Variants in NT5DC1 observed in about 807,000 individuals in gnomAD.
NT5DC1 encodes 5'-nucleotidase domain containing 1.
NT5DC1 carries 42 observed loss-of-function variants against 59.4 expected under a neutral mutation model. That is an observed-to-expected ratio of 0.71 (90% CI 0.55 to 0.92). The LOEUF is 0.92. NT5DC1 is among the 40% of genes least tolerant of loss of function. The pLI is 0.00. For missense variants in NT5DC1, 501 were observed against 537.1 expected (o/e 0.93, Z 0.66); for synonymous variants, 172 against 188.1 (o/e 0.91, Z 0.70).
chr6:116,102,819 G>A (rs1342171532), intron 1 of NT5DC1, among the ~76,000 whole-genome samples: 3 of 152,206 alleles, frequency 2.0e-5, no homozygotes, highest in Non-Finnish European at 4.4e-5. Context: ...TTACACAGTA[G>A]GCAAAAATGC....
intron 6 of NT5DC1, among the ~76,000 whole-genome samples, chr6:116,216,881 G>C (rs1023842172): frequency 6.6e-6 from 1 of 152,082 alleles, no homozygotes; most frequent in African/African-American, 2.4e-5. Flanking sequence ...AGGCATTTTA[G>C]CTGTTCACTA....
intron 6 of NT5DC1, among the ~76,000 whole-genome samples, chr6:116,123,005 A>C (rs9488842): frequency 0.26 from 39,660 of 152,116 alleles, 5,590 homozygotes; most frequent in Middle Eastern, 0.35. Context: ...TATATTATGT[A>C]TAAGTGGATA....
intron 6 of NT5DC1, among the ~76,000 whole-genome samples, chr6:116,205,029 T>C (rs1022470688): frequency 2.6e-5 from 4 of 152,020 alleles, no homozygotes; most frequent in Admixed American, 6.6e-5. Flanking sequence ...TATGTGTGTA[T>C]GCAAGTCCGT....
chr6:116,156,856 ATTACATCACAACTCTTGCCACAACCCC>A (rs1283513114), intron 6 of NT5DC1, among the ~76,000 whole-genome samples: 2 of 152,142 alleles, frequency 1.3e-5, no homozygotes, highest in Non-Finnish European at 2.9e-5. Flanking sequence ...CCACGGCCCC[ATTACATCACAACTCTTGCCACAACCCC>A]TTTTGTTCTC....
At chr6:116,214,750 G>A (rs1781656886) in intron 6 of NT5DC1, among the ~76,000 whole-genome samples, 1 of 152,070 alleles carries the variant, frequency 6.6e-6, no homozygotes, top group Admixed American at 6.6e-5. Context: ...AAACACTGTG[G>A]AAATGGGTGT....
At chr6:116,141,885 AACACACACACACACACACAC>A (rs3051942) in intron 6 of NT5DC1, among the ~76,000 whole-genome samples, 12 of 140,404 alleles carry the variant, frequency 8.5e-5, no homozygotes, top group East Asian at 4.1e-4. Flanking sequence ...CCAAAAAGAA[AACACACACACACACACACAC>A]ACACACACAC....
intron 6 of NT5DC1, among the ~76,000 whole-genome samples, chr6:116,156,875 C>T (rs572193394): frequency 2.0e-5 from 3 of 152,314 alleles, no homozygotes; most frequent in South Asian, 4.1e-4. Flanking sequence ...CAACTCTTGC[C>T]ACAACCCCTT....
At position 116,121,669 on chromosome 6, in the gene NT5DC1, C is replaced by T. The variant is rs560942887; in HGVS notation, c.529+3724C>T. ...GTTTTCCTGGCACAGAAATTCCAGC[C>T]GGTCCAGGGATTCCAGGTGGTCCTG... On this transcript the variant is annotated intron_variant, in intron 6 of 11. Coordinates refer to ENST00000319550, the MANE Select transcript of NT5DC1 (RefSeq NM_152729.3). The T allele has an allele frequency of 4.0e-5, 64 of 1,613,800 alleles. No individual in the cohort carries two copies. Among genetic ancestry groups the T allele is most frequent in the Admixed American group, 2.0e-4 (12 of 60,016 alleles).
chr6:116,141,940 A>T lies in NT5DC1; in HGVS notation c.529+23995A>T, dbSNP rs184120468. Among the ~76,000 whole-genome samples, 9 of 151,120 alleles carry T rather than the reference A, an allele frequency of 6.0e-5. No individual in the cohort carries two copies. The East Asian group carries it at 1.7e-3, about 29-fold the overall frequency. Reference sequence around the variant, plus strand: ...CACACACACACACTGTAAATGTGAGATGTTCCTAGTCTAGAAAATATATAG... The same window carrying T: ...CACACACACACACTGTAAATGTGAGTTGTTCCTAGTCTAGAAAATATATAG... On this transcript the variant is annotated intron_variant, in intron 6 of 11. Coordinates refer to ENST00000319550, the MANE Select transcript of NT5DC1 (RefSeq NM_152729.3).
At chr6:116,189,303 C>T (rs1781069682) in intron 6 of NT5DC1, among the ~76,000 whole-genome samples, 1 of 151,706 alleles carries the variant, frequency 6.6e-6, no homozygotes, top group African/African-American at 2.4e-5. Flanking sequence ...TATATTTTTT[C>T]CCTCATTTTG....
intron 6 of NT5DC1, among the ~76,000 whole-genome samples, chr6:116,184,477 G>C (rs2114480172): frequency 6.6e-6 from 1 of 152,112 alleles, no homozygotes; most frequent in African/African-American, 2.4e-5. Flanking sequence ...CCAATTCTTT[G>C]AATGTCTGAT....
At chr6:116,107,861 C>T (rs1397568506) in intron 2 of NT5DC1, among the ~76,000 whole-genome samples, 4 of 152,072 alleles carry the variant, frequency 2.6e-5, no homozygotes, top group Admixed American at 6.5e-5. Flanking sequence ...CATGAGCCAC[C>T]GCGCCTGGCC....
chr6:116,140,876 A>G (rs561812962), intron 6 of NT5DC1, among the ~76,000 whole-genome samples: 11 of 152,114 alleles, frequency 7.2e-5, no homozygotes, highest in African/African-American at 2.4e-4. Flanking sequence ...GAATTTTTTT[A>G]TCTGTGATGG....
chr6:116,107,422 A>T (rs746559319), intron 2 of NT5DC1, among the ~76,000 whole-genome samples: 23 of 151,462 alleles, frequency 1.5e-4, no homozygotes, highest in Non-Finnish European at 2.9e-4. Flanking sequence ...TAGCCATTAT[A>T]CCACTTTGCT....
intron 6 of NT5DC1, among the ~76,000 whole-genome samples, chr6:116,151,266 G>A (rs569925832): frequency 3.9e-5 from 6 of 152,212 alleles, no homozygotes; most frequent in African/African-American, 1.2e-4. Flanking sequence ...GAATATGTGG[G>A]CCTGTGATGA....
chr6:116,204,122 A>T (rs890545584), intron 6 of NT5DC1, among the ~76,000 whole-genome samples: 5 of 151,898 alleles, frequency 3.3e-5, no homozygotes, highest in Non-Finnish European at 7.4e-5. Flanking sequence ...AAGGGAGAGG[A>T]CGATGCACTG....
chr6:116,187,550 C>G (rs1336015276), intron 6 of NT5DC1, among the ~76,000 whole-genome samples: 1 of 151,962 alleles, frequency 6.6e-6, no homozygotes. Context: ...CCGGAGATGC[C>G]AGAAAAGACC....
chr6:116,141,176 G>T (rs765000814), intron 6 of NT5DC1, among the ~76,000 whole-genome samples: 4 of 151,870 alleles, frequency 2.6e-5, no homozygotes, highest in Non-Finnish European at 4.4e-5. Context: ...TCGAATGATG[G>T]TGAGCATTAT....
intron 6 of NT5DC1, among the ~76,000 whole-genome samples, chr6:116,208,341 G>T (rs1356063618): frequency 6.6e-6 from 1 of 151,958 alleles, no homozygotes; most frequent in Admixed American, 6.6e-5. Context: ...GCTGACTTCT[G>T]TTGAAAACAA....
Sources: gnomAD v4.1 joint callset for allele counts (sites outside exome capture counted in the v4.1 genomes callset) on GRCh38, gnomAD v4.1.1 for gene constraint, MANE v1.5 for transcripts, NCBI Gene and HGNC (gene_info 2026-07-23, HGNC 2026-07-21) for gene names.